The following ZFHX3 variants were observed in gnomAD, a reference collection of about 807,000 sequenced individuals.
ZFHX3 encodes zinc finger homeobox 3, also known as zinc finger homeobox protein 3.
A neutral mutation model predicts 279.1 loss-of-function variants in ZFHX3; 42 were observed. The ratio of observed to expected loss-of-function variants is 0.15; its 90% CI spans 0.12 to 0.19. The LOEUF is 0.19. Ranked by LOEUF, ZFHX3 falls within the 10% of genes least tolerant of loss-of-function variation. ZFHX3 has a pLI of 1.00. For synonymous variants in ZFHX3, 2,293 were observed against 1,957.8 expected, an observed-to-expected ratio of 1.17 and a Z score of -4.52; for missense variants, 4,981 against 4,754.0, an observed-to-expected ratio of 1.05 and a Z score of -1.40.
At chr16:72,835,282 G>A (rs1357755072) in intron 4 of ZFHX3, among the ~76,000 whole-genome samples, 4 of 152,212 alleles carry the variant, frequency 2.6e-5, no homozygotes, top group Middle Eastern at 3.4e-3. Context: ...TGGAAAATGC[G>A]GCGGTGCAGC....
intron 2 of ZFHX3, among the ~76,000 whole-genome samples, chr16:73,644,358 G>A (rs755852442): frequency 9.9e-5 from 15 of 151,966 alleles, no homozygotes; most frequent in African/African-American, 2.7e-4. Context: ...ACCACCCACC[G>A]GTTGAAAGCA....
At chr16:73,289,229 C>T (rs1446172077) in intron 4 of ZFHX3, among the ~76,000 whole-genome samples, 1 of 151,754 alleles carries the variant, frequency 6.6e-6, no homozygotes, top group African/African-American at 2.4e-5. Flanking sequence ...GGCTGAACAT[C>T]CCTCCAAAGG....
intron 2 of ZFHX3, among the ~76,000 whole-genome samples, chr16:73,599,111 C>A (rs1378769469): frequency 6.6e-6 from 1 of 152,212 alleles, no homozygotes; most frequent in Non-Finnish European, 1.5e-5. Context: ...ATAGTTCTTA[C>A]AGAGGATGAG....
At chr16:73,688,318 C>T (rs1003533817) in intron 1 of ZFHX3, among the ~76,000 whole-genome samples, 1 of 147,048 alleles carries the variant, frequency 6.8e-6, no homozygotes. Context: ...GATCACACTG[C>T]TGCACTCCAG....
At chr16:73,282,652 C>G (rs1332506468) in intron 4 of ZFHX3, among the ~76,000 whole-genome samples, 1 of 152,118 alleles carries the variant, frequency 6.6e-6, no homozygotes, top group Non-Finnish European at 1.5e-5. Flanking sequence ...GTATTTCAGT[C>G]TTTGCTATTC....
At chr16:73,607,388 A>T (rs2052201032) in intron 2 of ZFHX3, among the ~76,000 whole-genome samples, 1 of 152,132 alleles carries the variant, frequency 6.6e-6, no homozygotes, top group South Asian at 2.1e-4. Flanking sequence ...CATTTTCTTT[A>T]TCCAGTCTAT....
chr16:73,785,085 T>C (rs1959604073), intron 1 of ZFHX3, among the ~76,000 whole-genome samples: 2 of 152,188 alleles, frequency 1.3e-5, no homozygotes, highest in South Asian at 4.1e-4. Flanking sequence ...CTCTTACAAT[T>C]TGTAAGTACA....
At chr16:73,337,003 C>T (rs1282565886) in intron 3 of ZFHX3, among the ~76,000 whole-genome samples, 8 of 152,140 alleles carry the variant, frequency 5.3e-5, no homozygotes, top group Non-Finnish European at 5.9e-5. Context: ...CCTGGTCTGA[C>T]CACCACTTCT....
chr16:73,762,570 T>G (rs2142283299), intron 1 of ZFHX3, among the ~76,000 whole-genome samples: 1 of 152,248 alleles, frequency 6.6e-6, no homozygotes, highest in East Asian at 1.9e-4. Flanking sequence ...AGACATGGAA[T>G]CAACCCAAAT....
chr16:72,921,278 T>C (rs919137755), intron 3 of ZFHX3, among the ~76,000 whole-genome samples: 1 of 152,136 alleles, frequency 6.6e-6, no homozygotes, highest in African/African-American at 2.4e-5. Context: ...TTCTAGGAGA[T>C]GCAGCTTCTA....
intron 3 of ZFHX3, among the ~76,000 whole-genome samples, chr16:73,439,909 C>CAGAAA (rs2018057457): frequency 2.7e-5 from 2 of 75,446 alleles, no homozygotes; most frequent in East Asian, 8.4e-4. Flanking sequence ...GGGAGAGGGA[C>CAGAAA]AAAAAAAAAA....
chr16:72,933,507 A>C (rs1275420639), intron 3 of ZFHX3, among the ~76,000 whole-genome samples: 2 of 152,188 alleles, frequency 1.3e-5, no homozygotes, highest in Non-Finnish European at 2.9e-5. Flanking sequence ...TAGACACTTA[A>C]GTATCCACCA....
At chr16:73,314,405 C>A (rs140175750) in intron 4 of ZFHX3, among the ~76,000 whole-genome samples, 2 of 152,106 alleles carry the variant, frequency 1.3e-5, no homozygotes, top group Non-Finnish European at 2.9e-5. Flanking sequence ...TCTGCAGAAC[C>A]CTAAAATAGG....
At chr16:73,105,457 A>ATTTTTT (rs370445292) in intron 7 of ZFHX3, among the ~76,000 whole-genome samples, 1 of 120,456 alleles carries the variant, frequency 8.3e-6, no homozygotes, top group Non-Finnish European at 1.7e-5. Context: ...ATATATATAT[A>ATTTTTT]TTTTTTCCCC....
At chr16:73,067,515 C>T (rs1693906646) in intron 8 of ZFHX3, among the ~76,000 whole-genome samples, 2 of 152,204 alleles carry the variant, frequency 1.3e-5, no homozygotes, top group South Asian at 2.1e-4. Context: ...CCTTCCTGGT[C>T]TCCCCCATTA....
chr16:73,848,006 AC>A (rs1961495150), intron 1 of ZFHX3, among the ~76,000 whole-genome samples: 1 of 136,162 alleles, frequency 7.3e-6, no homozygotes, highest in African/African-American at 2.8e-5. Flanking sequence ...TGATCCACCC[AC>A]CTCGGCTTCC....
At chr16:72,884,870 G>A (rs1751670718) in intron 4 of ZFHX3, among the ~76,000 whole-genome samples, 1 of 152,198 alleles carries the variant, frequency 6.6e-6, no homozygotes, top group South Asian at 2.1e-4. Context: ...CAGAGCTCTG[G>A]CCCAGTGCAT....
intron 2 of ZFHX3, among the ~76,000 whole-genome samples, chr16:73,532,592 C>A (rs1447531168): frequency 2.6e-5 from 4 of 152,162 alleles, no homozygotes; most frequent in Non-Finnish European, 5.9e-5. Flanking sequence ...AACTAAGCTG[C>A]CTGAATCTGA....
intron 5 of ZFHX3, among the ~76,000 whole-genome samples, chr16:73,215,200 C>T (rs1278431419): frequency 2.0e-5 from 3 of 152,104 alleles, no homozygotes; most frequent in Non-Finnish European, 4.4e-5. Context: ...CTAGAGAAGC[C>T]GAGGAGACCC....
Sources: gnomAD v4.1 joint callset for allele counts (sites outside exome capture counted in the v4.1 genomes callset) on GRCh38, gnomAD v4.1.1 for gene constraint, MANE v1.5 for transcripts, NCBI Gene and HGNC (gene_info 2026-07-23, HGNC 2026-07-21) for gene names.